Variants in ULK4 observed in about 807,000 individuals in gnomAD.
The protein encoded by ULK4 is inactive serine/threonine-protein kinase ULK4.
In ULK4, 133 loss-of-function variants were observed where a neutral mutation model predicts 160.6. The observed-to-expected ratio is 0.83, with a 90% confidence interval of 0.72 to 0.96. The LOEUF is 0.96. Among genes scored for constraint, ULK4 ranks in the 40% least tolerant of loss-of-function variants. The probability of loss-of-function intolerance (pLI) is 0.00; values close to 1 mark genes in which losing one functional copy is unlikely to be tolerated. For missense variants in ULK4, 1,580 were observed against 1,499.5 expected (o/e 1.05, Z -0.89); for synonymous variants, 534 against 539.8 (o/e 0.99, Z 0.15).
At position 41,951,129 on chromosome 3, in the gene ULK4, A is replaced by C. The variant is rs568216371; in HGVS notation, c.138+3493T>G. 4.2e-5 allele frequency among the ~76,000 whole-genome samples: 5 copies of C among 119,246 alleles called. No individual in the cohort carries two copies. In the East Asian group the frequency reaches 1.5e-3, roughly 35 times the overall value. The allele number at this position is 119,246 out of a possible 152,430, so 78.2% of individuals were successfully genotyped here. On this transcript the variant is annotated intron_variant, in intron 2 of 36. Transcript: ENST00000301831. ...CACTGCACTCCAGCCTGGAGGACAG[A>C]GCGAGGCTTCGTCTCAAAAAAAAAA...
chr3:41,635,368 C>T (rs1655854767), intron 30 of ULK4, among the ~76,000 whole-genome samples: 2 of 151,872 alleles, frequency 1.3e-5, no homozygotes, highest in Non-Finnish European at 2.9e-5. Flanking sequence ...CTTAACAAAT[C>T]TATAGTTTTG....
In ULK4 at chr3:41,295,407, C is replaced by T. The variant is rs2079650228; in HGVS notation, c.3679-45833G>A. Among the ~76,000 whole-genome samples, 3 of 133,250 alleles carry T rather than the reference C, an allele frequency of 2.3e-5. 1 individual carries two copies. Among genetic ancestry groups the T allele is most frequent in the Middle Eastern group, 8.0e-3 (2 of 250 alleles). 87.4% of individuals were successfully genotyped at this position (133,250 alleles called of 152,430 possible). ...ATAGGAAAACAAATCTAGATGACCT[C>T]GGGTATGACAATGACTTTTTAGATA... On this transcript the variant is annotated intron_variant, in intron 35 of 36. Transcript: ENST00000301831.
At chr3:41,621,265 T>C (rs911727250) in intron 30 of ULK4, among the ~76,000 whole-genome samples, 2 of 152,114 alleles carry the variant, frequency 1.3e-5, no homozygotes, top group Non-Finnish European at 2.9e-5. Flanking sequence ...AAAAAACCAT[T>C]TTAAATGTCA....
chr3:41,944,090 G>T (rs1375916908), intron 2 of ULK4, among the ~76,000 whole-genome samples: 1 of 152,152 alleles, frequency 6.6e-6, no homozygotes, highest in African/African-American at 2.4e-5. Flanking sequence ...ACTTAATGGG[G>T]TTTATTCAAC....
At chr3:41,793,196 AAAT>A (rs1323288565) in intron 20 of ULK4, among the ~76,000 whole-genome samples, 4 of 151,954 alleles carry the variant, frequency 2.6e-5, no homozygotes, top group African/African-American at 7.2e-5. Flanking sequence ...AACAAAAAAA[AAAT>A]AGAGTCTGAG....
At chr3:41,934,550 A>T (rs1372602304) in intron 4 of ULK4, among the ~76,000 whole-genome samples, 1 of 152,198 alleles carries the variant, frequency 6.6e-6, no homozygotes, top group Admixed American at 6.5e-5. Context: ...AACTTAACCT[A>T]AATATAATAG....
chr3:41,278,273 G>A (rs1284159412), intron 35 of ULK4: 4 of 152,436 alleles, frequency 2.6e-5, no homozygotes, highest in African/African-American at 4.8e-5. Context: ...GCTTGAGTAG[G>A]TAAACACAGG....
intron 35 of ULK4, among the ~76,000 whole-genome samples, chr3:41,311,766 C>T (rs1214498751): frequency 3.3e-5 from 5 of 151,300 alleles, no homozygotes; most frequent in Admixed American, 3.3e-4. Flanking sequence ...GACAGGGTTT[C>T]CCCATGTTAG....
At chr3:41,809,009 T>C (rs961702076) in intron 19 of ULK4, among the ~76,000 whole-genome samples, 9 of 151,816 alleles carry the variant, frequency 5.9e-5, no homozygotes, top group Admixed American at 2.0e-4. Flanking sequence ...CTACAAAAAA[T>C]ACAAAAATTA....
At chr3:41,490,648 T>C (rs1691952) in intron 32 of ULK4, among the ~76,000 whole-genome samples, 131,158 of 152,152 alleles carry the variant, frequency 0.86, 57,361 homozygotes, top group Non-Finnish European at 0.94. Context: ...GAACTCTATT[T>C]GAAGGCAAAA....
At chr3:41,432,894 A>T (rs2082947069) in intron 34 of ULK4, among the ~76,000 whole-genome samples, 1 of 152,130 alleles carries the variant, frequency 6.6e-6, no homozygotes, top group Admixed American at 6.5e-5. Context: ...AACGTTTAAA[A>T]AAAAAAACCA....
rs997926469 is a variant in ULK4 at position 41,363,678 on chromosome 3, T to C, written c.3678+34401A>G. On this transcript the variant is annotated intron_variant, in intron 35 of 36. Transcript: ENST00000301831. ...GAAAATTTGTAATATAGTAGGGATATTCCACACATTTAAGATGACAACTGC... is the reference window on the plus strand; with the variant it reads ...GAAAATTTGTAATATAGTAGGGATACTCCACACATTTAAGATGACAACTGC... 4.6e-5 allele frequency among the ~76,000 whole-genome samples: 7 copies of C among 152,216 alleles called. No homozygotes were observed. In the East Asian group the frequency reaches 1.3e-3, roughly 29 times the overall value.
At chr3:41,594,960 G>A (rs140417515) in intron 31 of ULK4, among the ~76,000 whole-genome samples, 112 of 152,304 alleles carry the variant, frequency 7.4e-4, no homozygotes, top group African/African-American at 2.7e-3. Context: ...TGGCTAGGGA[G>A]AGATATATGT....
intron 32 of ULK4, among the ~76,000 whole-genome samples, chr3:41,477,339 A>G (rs532885635): frequency 2.6e-5 from 4 of 152,364 alleles, no homozygotes; most frequent in South Asian, 4.1e-4. Context: ...GAGAGCTAAT[A>G]TAAGAATATA....
chr3:41,808,452 A>G (rs1342399338), intron 19 of ULK4, among the ~76,000 whole-genome samples: 10 of 152,192 alleles, frequency 6.6e-5, no homozygotes, highest in Admixed American at 5.9e-4. Flanking sequence ...CCTACCTGAA[A>G]TAAGTGACTC....
chr3:41,596,681 A>T (rs1400267415), intron 31 of ULK4, among the ~76,000 whole-genome samples: 1 of 152,120 alleles, frequency 6.6e-6, no homozygotes, highest in African/African-American at 2.4e-5. Context: ...ATTATGATAG[A>T]TCACAAGGTC....
intron 29 of ULK4, among the ~76,000 whole-genome samples, chr3:41,668,629 G>T (rs1416639105): frequency 2.0e-5 from 3 of 152,110 alleles, no homozygotes; most frequent in Non-Finnish European, 4.4e-5. Context: ...TTTCTCAGAA[G>T]GTACTCCCAC....
At chr3:41,601,665 C>T (rs183134122) in intron 31 of ULK4, among the ~76,000 whole-genome samples, 108 of 151,934 alleles carry the variant, frequency 7.1e-4, no homozygotes, top group Middle Eastern at 3.4e-3. Flanking sequence ...GGTTTTCCTC[C>T]CCCAAACCCA....
chr3:41,480,042 C>T (rs1259171427), intron 32 of ULK4, among the ~76,000 whole-genome samples: 1 of 151,816 alleles, frequency 6.6e-6, no homozygotes, highest in Non-Finnish European at 1.5e-5. Context: ...CTTGTCTCTA[C>T]TAAAAATACA....
Sources: gnomAD v4.1 joint callset for allele counts (sites outside exome capture counted in the v4.1 genomes callset) on GRCh38, gnomAD v4.1.1 for gene constraint, MANE v1.5 for transcripts, NCBI Gene and HGNC (gene_info 2026-07-23, HGNC 2026-07-21) for gene names.